Variants in FAM227B observed in about 807,000 individuals in gnomAD.
The protein encoded by FAM227B is family with sequence similarity 227 member B.
Under a neutral mutation model 73.8 loss-of-function variants are expected in FAM227B, and 88 were observed. The observed-to-expected ratio is 1.19, with a 90% confidence interval of 1.00 to 1.42. The LOEUF (loss-of-function observed/expected upper bound fraction) is 1.42, where lower values mean the gene tolerates loss of function less well. Among genes scored for constraint, FAM227B ranks in the 40% most tolerant of loss-of-function variants. FAM227B has a pLI of 0.00. For synonymous variants in FAM227B, 210 were observed against 190.5 expected, an observed-to-expected ratio of 1.10 and a Z score of -0.84; for missense variants, 632 against 590.9, an observed-to-expected ratio of 1.07 and a Z score of -0.72.
At chr15:49,523,069 C>T (rs1473858720) in intron 10 of FAM227B, among the ~76,000 whole-genome samples, 1 of 152,128 alleles carries the variant, frequency 6.6e-6, no homozygotes, top group African/African-American at 2.4e-5. Flanking sequence ...ATCTTAAGAG[C>T]AGATGTAGAG....
At position 49,588,040 on chromosome 15, in the gene FAM227B, C is replaced by G; in HGVS notation, c.381G>C (p.Lys127Asn). The change falls in exon 5 of 16, where the codon AAG becomes AAC. Residue 127 changes from lysine (K) to asparagine (N), a missense_variant. By Grantham distance (94) the Lys-to-Asn change is moderately conservative. Coordinates refer to ENST00000299338, the MANE Select transcript of FAM227B (RefSeq NM_152647.3). ...CCATTATCTTTTTTTTCTTATGGTA[C>G]TTCTTTAGAAATTCCCCATATCGTT... The part of the protein sequence containing the change: ...KLERYGEFLK[K>N]YHKKKKIMLS... 1 of 1,439,268 alleles carries G rather than the reference C, an allele frequency of 6.9e-7. No individual in the cohort carries two copies. Among genetic ancestry groups the G allele is most frequent in the Non-Finnish European group, 9.3e-7 (1 of 1,078,166 alleles). The allele number at this position is 1,439,268 out of a possible 1,614,324, so 89.2% of individuals were successfully genotyped here.
At chr15:49,497,978 TA>T in intron 11 of FAM227B, among the ~76,000 whole-genome samples, 1 of 152,362 alleles carries the variant, frequency 6.6e-6, no homozygotes, top group South Asian at 2.1e-4. Flanking sequence ...AGTCTTCTGC[TA>T]CCTTTCTGGC....
intron 5 of FAM227B, among the ~76,000 whole-genome samples, chr15:49,586,009 A>G (rs2076138270): frequency 6.6e-6 from 1 of 152,190 alleles, no homozygotes. Flanking sequence ...CACATTATTC[A>G]CAGAACTAGA....
intron 13 of FAM227B, among the ~76,000 whole-genome samples, chr15:49,362,481 G>A (rs1187047539): frequency 6.6e-6 from 1 of 151,328 alleles, no homozygotes; most frequent in African/African-American, 2.4e-5. Context: ...CTTTATAGCA[G>A]CATGAAAACC....
chr15:49,575,007 A>T lies in FAM227B; in HGVS notation c.645+4T>A. On this transcript the variant is annotated splice_donor_region_variant and intron_variant, in intron 8 of 15. Coordinates refer to ENST00000299338, the MANE Select transcript of FAM227B (RefSeq NM_152647.3). Reference sequence around the variant, plus strand: ...AAAAAATAAATTTTTAAAAATCACTATACCCTAAATTTATGGAGAAACCAC... The same window carrying T: ...AAAAAATAAATTTTTAAAAATCACTTTACCCTAAATTTATGGAGAAACCAC... 1 of 1,532,948 alleles carries T rather than the reference A, an allele frequency of 6.5e-7. No individual in the cohort carries two copies. The highest frequency in any genetic ancestry group is 8.9e-7 in the Non-Finnish European group (1 of 1,125,084). The allele number at this position is 1,532,948 out of a possible 1,614,324, so 95.0% of individuals were successfully genotyped here.
intron 3 of FAM227B, among the ~76,000 whole-genome samples, chr15:49,606,638 C>T (rs1216638264): frequency 6.6e-6 from 1 of 152,198 alleles, no homozygotes; most frequent in East Asian, 1.9e-4. Flanking sequence ...TGAATATCAT[C>T]ATCATTCCCT....
chr15:49,473,534 A>C (rs1359544765), intron 11 of FAM227B, among the ~76,000 whole-genome samples: 1 of 152,168 alleles, frequency 6.6e-6, no homozygotes, highest in African/African-American at 2.4e-5. Flanking sequence ...ATACTTGTTA[A>C]ATAACTTGTA....
chr15:49,566,267 C>A (rs2074649559), intron 9 of FAM227B, among the ~76,000 whole-genome samples: 1 of 132,716 alleles, frequency 7.5e-6, no homozygotes, highest in South Asian at 2.3e-4. Flanking sequence ...GAGCCATGAG[C>A]ATTTTTTTCT....
intron 15 of FAM227B, chr15:49,329,624 G>A (rs2038213254): frequency 1.0e-6 from 1 of 984,908 alleles, no homozygotes; most frequent in Non-Finnish European, 1.2e-6. Flanking sequence ...ATTCTTAGCA[G>A]AAAGGTAAAT....
chr15:49,611,956 A>G (rs1275887166), intron 2 of FAM227B, among the ~76,000 whole-genome samples: 1 of 151,934 alleles, frequency 6.6e-6, no homozygotes, highest in African/African-American at 2.4e-5. Flanking sequence ...CTTATCCCCC[A>G]AAGTTTTCTC....
chr15:49,582,721 A>C (rs1189223116), intron 5 of FAM227B, among the ~76,000 whole-genome samples: 1 of 152,230 alleles, frequency 6.6e-6, no homozygotes, highest in Non-Finnish European at 1.5e-5. Flanking sequence ...TTGATCACAT[A>C]ATCAGAAGTA....
intron 13 of FAM227B, among the ~76,000 whole-genome samples, chr15:49,357,723 C>A (rs552696911): frequency 6.6e-6 from 1 of 152,132 alleles, no homozygotes; most frequent in East Asian, 1.9e-4. Flanking sequence ...AGGGAATCCT[C>A]CCTAACTCAT....
intron 10 of FAM227B, among the ~76,000 whole-genome samples, chr15:49,513,474 T>G (rs2059159546): frequency 6.6e-6 from 1 of 152,196 alleles, no homozygotes; most frequent in Admixed American, 6.5e-5. Flanking sequence ...TAAATTTGTT[T>G]AAGTTCCTTG....
intron 11 of FAM227B, among the ~76,000 whole-genome samples, chr15:49,472,845 C>G (rs138067509): frequency 0.017 from 2,548 of 152,240 alleles, 34 homozygotes; most frequent in Middle Eastern, 0.037. Flanking sequence ...CATGACATTA[C>G]AGATGAAGAC....
chr15:49,377,998 A>C (rs1299599502), intron 11 of FAM227B, among the ~76,000 whole-genome samples: 2 of 152,118 alleles, frequency 1.3e-5, no homozygotes, highest in African/African-American at 4.8e-5. Flanking sequence ...TTGAAGTTTC[A>C]GATGTAAGTC....
chr15:49,568,795 T>C (rs2074864609), intron 8 of FAM227B, among the ~76,000 whole-genome samples: 1 of 152,000 alleles, frequency 6.6e-6, no homozygotes, highest in African/African-American at 2.4e-5. Flanking sequence ...AGTATTTTGT[T>C]GAGGATTTTT....
intron 11 of FAM227B, among the ~76,000 whole-genome samples, chr15:49,410,300 G>A (rs1014628646): frequency 6.6e-6 from 1 of 152,104 alleles, no homozygotes; most frequent in Non-Finnish European, 1.5e-5. Flanking sequence ...ATTGCAAATC[G>A]TTTGAACCCT....
chr15:49,385,221 A>T (rs2151542307), intron 11 of FAM227B, among the ~76,000 whole-genome samples: 1 of 152,060 alleles, frequency 6.6e-6, no homozygotes, highest in Admixed American at 6.6e-5. Flanking sequence ...ACATTCATGT[A>T]ACCTTAACCT....
At chr15:49,525,691 T>G (rs1251021457) in intron 10 of FAM227B, among the ~76,000 whole-genome samples, 1 of 61,460 alleles carries the variant, frequency 1.6e-5, no homozygotes, top group Non-Finnish European at 4.4e-5. Context: ...TATATATATA[T>G]ATATATATAT....
Sources: allele counts gnomAD v4.1 joint callset (sites outside exome capture counted in the v4.1 genomes callset), GRCh38; gene constraint gnomAD v4.1.1; transcripts MANE v1.5; gene names NCBI Gene and HGNC (gene_info 2026-07-23, HGNC 2026-07-21).